Variants in CDK14 observed in about 807,000 individuals in gnomAD.
CDK14 encodes cyclin dependent kinase 14, also known as cyclin-dependent kinase 14.
Under a neutral mutation model 60.7 loss-of-function variants are expected in CDK14, and 34 were observed. That is an observed-to-expected ratio of 0.56 (90% confidence interval 0.43 to 0.75). The LOEUF (loss-of-function observed/expected upper bound fraction) is 0.75. CDK14 is among the 30% of genes least tolerant of loss of function. The probability of loss-of-function intolerance (pLI) is 0.00; values close to 1 mark genes in which losing one functional copy is unlikely to be tolerated. For synonymous variants in CDK14, 197 were observed against 203.7 expected (o/e 0.97, Z 0.28); for missense variants, 482 against 564.1 (o/e 0.85, Z 1.47).
chr7:90,630,129 CCATTTAA>C (rs1563021817), intron 2 of CDK14, among the ~76,000 whole-genome samples: 1 of 152,082 alleles, frequency 6.6e-6, no homozygotes, highest in African/African-American at 2.4e-5. Context: ...AAACCCAACT[CCATTTAA>C]CATTTAAAGA....
intron 2 of CDK14, among the ~76,000 whole-genome samples, chr7:90,630,798 T>G (rs1489826573): frequency 6.6e-6 from 1 of 152,022 alleles, no homozygotes; most frequent in East Asian, 1.9e-4. Context: ...AAAATCCAAA[T>G]TTACCCATTA....
intron 11 of CDK14, among the ~76,000 whole-genome samples, chr7:91,070,433 G>C (rs1479343174): frequency 6.6e-6 from 1 of 152,138 alleles, no homozygotes; most frequent in Admixed American, 6.5e-5. Flanking sequence ...CACATATTAG[G>C]AACCATTAAC....
At chr7:90,598,060 G>C (rs1434793197) in intron 1 of CDK14, among the ~76,000 whole-genome samples, 2 of 152,212 alleles carry the variant, frequency 1.3e-5, no homozygotes, top group East Asian at 3.8e-4. Context: ...GTTGAGTCGT[G>C]TGCATTATTA....
At chr7:90,804,424 A>G (rs561099428) in intron 5 of CDK14, among the ~76,000 whole-genome samples, 1 of 152,278 alleles carries the variant, frequency 6.6e-6, no homozygotes, top group Admixed American at 6.5e-5. Flanking sequence ...CCTTCTAACA[A>G]TCACCCTTTC....
chr7:90,867,845 G>A lies in CDK14; in HGVS notation c.639+4576G>A, dbSNP rs74822009. 9.9e-3 allele frequency among the ~76,000 whole-genome samples: 1,508 copies of A among 152,128 alleles called. 25 individuals carry two copies. The highest frequency in any genetic ancestry group is 0.033 in the African/African-American group (1,384 of 41,490). On this transcript the variant is annotated intron_variant, in intron 6 of 14. Transcript: ENST00000380050. ...TTACCATCAGAAATATAAAAGCAAG[G>A]TTGGACACAGTGGCTCAATCCTGTG...
chr7:91,152,417 C>G (rs889785774), intron 14 of CDK14, among the ~76,000 whole-genome samples: 3 of 152,154 alleles, frequency 2.0e-5, no homozygotes, highest in African/African-American at 7.2e-5. Context: ...GGATATAGAA[C>G]ATATTCTTTA....
intron 2 of CDK14, among the ~76,000 whole-genome samples, chr7:90,711,393 A>T (rs1802053706): frequency 1.3e-5 from 2 of 151,632 alleles, no homozygotes; most frequent in Non-Finnish European, 2.9e-5. Flanking sequence ...TGTTTGGAAG[A>T]TGATGCGCCC....
Position 91,024,111 on chromosome 7 carries a change from AATGATGATGATGATG to A in CDK14, c.1042-21759_1042-21745del, listed in dbSNP as rs59410115. Among the ~76,000 whole-genome samples, 364 of 149,384 alleles carry A rather than the reference AATGATGATGATGATG, an allele frequency of 2.4e-3. 6 individuals carry two copies. Among genetic ancestry groups the A allele is most frequent in the Middle Eastern group, 3.4e-3 (1 of 294 alleles). On this transcript the variant is annotated intron_variant, in intron 10 of 14. Transcript: ENST00000380050. ...TAAAGAAGCTAAGCAACCCATCCAA[AATGATGATGATGATG>A]ATGATGATGATGATGATGATGATGA... is the stretch of plus-strand genomic sequence containing the variant.
intron 4 of CDK14, among the ~76,000 whole-genome samples, chr7:90,789,486 A>C (rs1805737494): frequency 6.6e-6 from 1 of 152,150 alleles, no homozygotes; most frequent in African/African-American, 2.4e-5. Flanking sequence ...GATTGAAAAT[A>C]ATTGGGAAAA....
intron 3 of CDK14, among the ~76,000 whole-genome samples, chr7:90,735,515 G>A (rs534624915): frequency 1.3e-5 from 2 of 152,354 alleles, no homozygotes; most frequent in East Asian, 3.9e-4. Flanking sequence ...CCTGCCCAGA[G>A]AGGAGGAATC....
intron 2 of CDK14, among the ~76,000 whole-genome samples, chr7:90,686,644 ATGT>A (rs1335145305): frequency 6.6e-6 from 1 of 152,148 alleles, no homozygotes; most frequent in Non-Finnish European, 1.5e-5. Flanking sequence ...GTACTGGCAA[ATGT>A]TGTCAACTAA....
At chr7:90,927,908 G>C (rs1004448694) in intron 8 of CDK14, among the ~76,000 whole-genome samples, 1 of 151,996 alleles carries the variant, frequency 6.6e-6, no homozygotes, top group Non-Finnish European at 1.5e-5. Context: ...GGCTTTGTTC[G>C]TTTCTTTTTA....
intron 10 of CDK14, among the ~76,000 whole-genome samples, chr7:91,017,887 A>T (rs2115856012): frequency 6.6e-6 from 1 of 152,300 alleles, no homozygotes; most frequent in Admixed American, 6.5e-5. Context: ...ATAACTAAAA[A>T]TGGGCTGCAA....
chr7:91,173,746 G>C (rs867297126), intron 14 of CDK14, among the ~76,000 whole-genome samples: 2 of 152,202 alleles, frequency 1.3e-5, no homozygotes, highest in African/African-American at 2.4e-5. Context: ...GCGCTTTTCC[G>C]ATGGGCTTAA....
chr7:90,805,082 C>G (rs1788770005), intron 5 of CDK14, among the ~76,000 whole-genome samples: 1 of 152,010 alleles, frequency 6.6e-6, no homozygotes. Flanking sequence ...AGGATTTACA[C>G]TGGGATTTTT....
chr7:90,806,525 C>T (rs1037825551), intron 5 of CDK14, among the ~76,000 whole-genome samples: 1 of 152,192 alleles, frequency 6.6e-6, no homozygotes, highest in Non-Finnish European at 1.5e-5. Flanking sequence ...CTCCAGTCTA[C>T]AGCTCCCAGC....
At chr7:90,790,492 TTATA>T in intron 4 of CDK14, 77 bp from the exon 5 acceptor site, 1 of 829,358 alleles carries the variant, frequency 1.2e-6, no homozygotes, top group Non-Finnish European at 1.9e-6. Flanking sequence ...ATTTATTTAG[TTATA>T]TAAATTATAA....
chr7:90,888,242 C>A (rs577905574), intron 6 of CDK14, among the ~76,000 whole-genome samples: 2 of 151,856 alleles, frequency 1.3e-5, no homozygotes, highest in African/African-American at 4.8e-5. Flanking sequence ...GCCAGCTACT[C>A]GAGAGGCTGA....
At chr7:90,650,912 T>C (rs1800622820) in intron 2 of CDK14, among the ~76,000 whole-genome samples, 1 of 152,224 alleles carries the variant, frequency 6.6e-6, no homozygotes, top group Non-Finnish European at 1.5e-5. Flanking sequence ...CTTTGTTCTT[T>C]TGGCTTAGGA....
Sources: gnomAD v4.1 joint callset for allele counts (sites outside exome capture counted in the v4.1 genomes callset) on GRCh38, gnomAD v4.1.1 for gene constraint, MANE v1.5 for transcripts, NCBI Gene and HGNC (gene_info 2026-07-23, HGNC 2026-07-21) for gene names.